CPLANE1: variants seen among roughly 807,000 people sequenced by gnomAD.
The protein encoded by CPLANE1 is ciliogenesis and planar polarity effector complex subunit 1.
Under a neutral mutation model 362.5 loss-of-function variants are expected in CPLANE1, and 263 were observed. That is an observed-to-expected ratio of 0.73 (90% CI 0.66 to 0.80). CPLANE1 has a LOEUF of 0.80. Among genes scored for constraint, CPLANE1 ranks in the 30% least tolerant of loss-of-function variants. The pLI is 0.00. For synonymous variants in CPLANE1, 1,212 were observed against 1,302.6 expected (o/e 0.93, Z 1.50); for missense variants, 3,461 against 3,793.4 (o/e 0.91, Z 2.30).
rs1283341179 is a variant in CPLANE1 at position 37,230,748 on chromosome 5, C to T, written c.1121+119G>A. The T allele has an allele frequency of 5.0e-6, 3 of 596,090 alleles. No homozygotes were observed. The East Asian group carries it at 1.0e-4, about 20-fold the overall frequency. The allele number at this position is 596,090 out of a possible 1,614,324, so 36.9% of individuals were successfully genotyped here. A position where few individuals can be genotyped will look rare whatever the true frequency, so the allele number is the denominator to read the frequency against. ...AAATAAGAAACAGATATTGAGATGA[C>T]AGACTCAAAGAAAAAGTAAGACAAT... On this transcript the variant is annotated intron_variant, in intron 9 of 52. Coordinates refer to ENST00000651892, the MANE Select transcript of CPLANE1 (RefSeq NM_001384732.1).
chr5:37,094,263 C>G, the CPLANE1 span, among the ~76,000 whole-genome samples: 2 of 152,102 alleles, frequency 1.3e-5, no homozygotes, highest in South Asian at 2.1e-4. Context: ...AAGACAGGCC[C>G]CCACAGAAAT....
At chr5:37,077,853 C>A in the CPLANE1 span, among the ~76,000 whole-genome samples, 1 of 151,848 alleles carries the variant, frequency 6.6e-6, no homozygotes, top group African/African-American at 2.4e-5. Context: ...TGGACTCAAG[C>A]GATCCTCCCA....
chr5:37,168,002 G>GT lies in CPLANE1; in HGVS notation c.7233+788dup, dbSNP rs539629768. ...TTCAGAAGAAAAGGAAGCATGGTAA[G>GT]TATTTTTTCTAAGGAATAACCATTT... is the stretch of plus-strand genomic sequence containing the variant. On this transcript the variant is annotated intron_variant, in intron 34 of 52. Transcript: ENST00000651892. Among the ~76,000 whole-genome samples, 142 of 152,240 alleles carry GT rather than the reference G, an allele frequency of 9.3e-4. 4 individuals are homozygous for GT. In the South Asian group the frequency reaches 0.012, roughly 13 times the overall value.
chr5:37,205,002 C>A (rs144371122), intron 18 of CPLANE1, among the ~76,000 whole-genome samples: 1 of 152,086 alleles, frequency 6.6e-6, no homozygotes, highest in African/African-American at 2.4e-5. Context: ...ACAAACACTA[C>A]AAAAATTAGC....
intron 21 of CPLANE1, among the ~76,000 whole-genome samples, chr5:37,195,598 CAA>C (rs1206058421): frequency 5.5e-5 from 6 of 109,052 alleles, no homozygotes; most frequent in Admixed American, 9.7e-5. Context: ...GACTCTGTCT[CAA>C]AAAAAAAAAA....
chr5:37,211,188 A>G, intron 16 of CPLANE1: 3 of 1,394,838 alleles, frequency 2.2e-6, no homozygotes, highest in Non-Finnish European at 3.1e-6. Flanking sequence ...ATCAAGGATC[A>G]CAAATTATCC....
intron 12 of CPLANE1, among the ~76,000 whole-genome samples, chr5:37,225,956 TACA>T (rs1240492032): frequency 7.2e-5 from 11 of 152,032 alleles, no homozygotes; most frequent in Non-Finnish European, 1.6e-4. Flanking sequence ...ATATGTATTG[TACA>T]ACATTTGGCA....
At chr5:37,237,742 C>T (rs994064924) in intron 8 of CPLANE1, among the ~76,000 whole-genome samples, 16 of 152,048 alleles carry the variant, frequency 1.1e-4, no homozygotes, top group Admixed American at 5.9e-4. Flanking sequence ...CCCAGCTACG[C>T]GGGAGGCTGA....
chr5:37,186,837 A>G (rs1217515333), intron 23 of CPLANE1, among the ~76,000 whole-genome samples: 1 of 152,128 alleles, frequency 6.6e-6, no homozygotes, highest in Non-Finnish European at 1.5e-5. Flanking sequence ...AGGCGGGCAG[A>G]TCACGAGGTC....
chr5:37,188,011 T>C (rs1484922475), intron 21 of CPLANE1, among the ~76,000 whole-genome samples, 169 bp from the exon 22 acceptor site: 1 of 152,202 alleles, frequency 6.6e-6, no homozygotes, highest in Non-Finnish European at 1.5e-5. Flanking sequence ...TATATAAAAG[T>C]CATGGAGATT....
chr5:37,136,562 C>G (rs1427544959), intron 46 of CPLANE1, among the ~76,000 whole-genome samples: 3 of 152,208 alleles, frequency 2.0e-5, no homozygotes, highest in South Asian at 4.1e-4. Context: ...AGGCAGTGCC[C>G]CAGAAGGGAA....
At chr5:37,105,856 G>A (rs1362729876), downstream of CPLANE1, among the ~76,000 whole-genome samples, 1 of 152,142 alleles carries the variant, frequency 6.6e-6, no homozygotes, top group Admixed American at 6.5e-5. Flanking sequence ...CAAAATATCT[G>A]AATGGACATT....
chr5:37,118,586 C>T lies in CPLANE1; in HGVS notation c.9310+1630G>A, dbSNP rs190948084. 6.6e-5 allele frequency among the ~76,000 whole-genome samples: 10 copies of T among 152,172 alleles called. No individual in the cohort carries two copies. The East Asian group carries it at 1.7e-3, about 26-fold the overall frequency. On this transcript the variant is annotated intron_variant, in intron 50 of 52. Transcript: ENST00000651892. ...CTCTACCACTTCCTAGTTGTATGAT[C>T]TTGGGCAATTATTTAAGCTTTCTCT...
the CPLANE1 span, among the ~76,000 whole-genome samples, chr5:37,092,886 C>CA: frequency 6.6e-6 from 1 of 152,150 alleles, no homozygotes; most frequent in African/African-American, 2.4e-5. Flanking sequence ...TATTTCACCC[C>CA]AAAACTCCAC....
chr5:37,088,633 C>T, the CPLANE1 span, among the ~76,000 whole-genome samples: 1 of 152,210 alleles, frequency 6.6e-6, no homozygotes, highest in Non-Finnish European at 1.5e-5. Context: ...AAGCCCCAGG[C>T]CCCGCTCGCA....
At chr5:37,212,820 T>C (rs2150234911) in intron 16 of CPLANE1, among the ~76,000 whole-genome samples, 1 of 152,374 alleles carries the variant, frequency 6.6e-6, no homozygotes, top group South Asian at 2.1e-4. Context: ...ATTAAATCTC[T>C]ACATTTTGAC....
intron 38 of CPLANE1, among the ~76,000 whole-genome samples, chr5:37,159,269 G>A (rs1041371989): frequency 2.8e-4 from 41 of 147,192 alleles, no homozygotes; most frequent in Middle Eastern, 7.3e-3. Context: ...CCGCCACCGC[G>A]CCCGGCTAAT....
chr5:37,120,407 C>A, intron 49 of CPLANE1, 67 bp from the exon 50 acceptor site: 1 of 1,399,702 alleles, frequency 7.1e-7, no homozygotes, highest in Non-Finnish European at 9.6e-7. Flanking sequence ...TTTAACATTT[C>A]AAAAAGCCCA....
chr5:37,124,983 C>T, intron 47 of CPLANE1: 1 of 1,206,664 alleles, frequency 8.3e-7, no homozygotes, highest in Non-Finnish European at 1.0e-6. Flanking sequence ...CAACCTCCTC[C>T]TCTTGTTAAA....
Sources: allele counts gnomAD v4.1 joint callset (sites outside exome capture counted in the v4.1 genomes callset), GRCh38; gene constraint gnomAD v4.1.1; transcripts MANE v1.5; gene names NCBI Gene and HGNC (gene_info 2026-07-23, HGNC 2026-07-21).